Variants in PCDHGA8 observed in about 807,000 individuals in gnomAD.
PCDHGA8 encodes protocadherin gamma-A8.
PCDHGA8 carries 45 observed loss-of-function variants against 59.2 expected under a neutral mutation model. The ratio of observed to expected loss-of-function variants is 0.76; its 90% CI spans 0.60 to 0.98. The LOEUF (loss-of-function observed/expected upper bound fraction) is 0.98, where lower values mean the gene tolerates loss of function less well. Among genes scored for constraint, PCDHGA8 ranks in the 50% least tolerant of loss-of-function variants. PCDHGA8 has a pLI of 0.00. For missense variants in PCDHGA8, 1,257 were observed against 1,196.2 expected (o/e 1.05, Z -0.75); for synonymous variants, 531 against 519.0 (o/e 1.02, Z -0.32).
At chr5:141,502,001 C>T (rs2099812274) in intron 2 of PCDHGA8, among the ~76,000 whole-genome samples, 2 of 152,106 alleles carry the variant, frequency 1.3e-5, no homozygotes, top group Admixed American at 1.3e-4. Flanking sequence ...CCCTGACAAC[C>T]CGCATGCTCT....
chr5:141,476,091 G>A lies in PCDHGA8; in HGVS notation c.2425-18716G>A. The A allele has an allele frequency of 2.6e-6, 4 of 1,563,192 alleles. No individual in the cohort carries two copies. The highest frequency in any genetic ancestry group is 3.5e-6 in the Non-Finnish European group (4 of 1,159,278). On this transcript the variant is annotated intron_variant, in intron 1 of 3. Transcript: ENST00000398604. The surrounding 1 kb of genome is among the most constrained non-coding windows in gnomAD (Gnocchi z 7.6). ...AAATCTCAGGGACGATCTGGACCCCGCTGAGAGGAACTGCTTTTGAGTGAG... is the reference window on the plus strand; with the variant it reads ...AAATCTCAGGGACGATCTGGACCCCACTGAGAGGAACTGCTTTTGAGTGAG...
At position 141,392,641 on chromosome 5, in the gene PCDHGA8, C is replaced by A; in HGVS notation, c.-173C>A. On this transcript the variant is annotated 5_prime_UTR_variant, in exon 1 of 4. Coordinates refer to ENST00000398604, the MANE Select transcript of PCDHGA8 (RefSeq NM_032088.2). ...GAAAACACTCAGATCTCACACCTCA[C>A]GAAGACCCGCAGATGCCACAAACTA... 3.1e-6 allele frequency: 2 copies of A among 655,502 alleles called. No homozygotes were observed. Among genetic ancestry groups the A allele is most frequent in the East Asian group, 5.8e-5 (2 of 34,242 alleles). The allele number at this position is 655,502 out of a possible 1,614,324, so 40.6% of individuals were successfully genotyped here. A position where few individuals can be genotyped will look rare whatever the true frequency, so the allele number is the denominator to read the frequency against.
At chr5:141,404,089 T>A in intron 1 of PCDHGA8, 2 of 1,613,496 alleles carry the variant, frequency 1.2e-6, no homozygotes, top group Non-Finnish European at 1.7e-6. Flanking sequence ...CCGGGAAGAA[T>A]GGTCAAGTTG....
intron 1 of PCDHGA8, chr5:141,418,372 A>G (rs771262387): frequency 3.1e-6 from 5 of 1,613,968 alleles, no homozygotes; most frequent in Non-Finnish European, 3.4e-6. Context: ...GCAAATACCA[A>G]CTAAGTCCTA....
intron 1 of PCDHGA8, chr5:141,402,911 C>T: frequency 1.3e-6 from 2 of 1,551,976 alleles, no homozygotes; most frequent in South Asian, 1.2e-5. Context: ...TGAAGCAGCG[C>T]GCACAGAGAT....
rs745658462 is a variant in PCDHGA8 at position 141,414,720 on chromosome 5, T to C, written c.2424+19483T>C. 6 of 1,614,132 alleles carry C rather than the reference T, an allele frequency of 3.7e-6. No homozygotes were observed. The East Asian group carries it at 1.3e-4, about 36-fold the overall frequency. ...CATACATATCCATCAACTCAGACAC[T>C]GGCGTCCTGTATGCACTCAGATCCT... On this transcript the variant is annotated intron_variant, in intron 1 of 3. Coordinates refer to ENST00000398604, the MANE Select transcript of PCDHGA8 (RefSeq NM_032088.2).
chr5:141,464,680 A>T (rs747974832), intron 1 of PCDHGA8, among the ~76,000 whole-genome samples: 1 of 152,144 alleles, frequency 6.6e-6, no homozygotes, highest in African/African-American at 2.4e-5. Context: ...TTTTAATTAA[A>T]ATTTCTCTTA....
At chr5:141,413,020 C>T in intron 1 of PCDHGA8, 1 of 693,768 alleles carries the variant, frequency 1.4e-6, no homozygotes, top group Non-Finnish European at 2.3e-6. Context: ...CTACACAAGC[C>T]CCACAAACCG....
intron 1 of PCDHGA8, chr5:141,423,261 C>T (rs1181343306): frequency 6.2e-7 from 1 of 1,613,870 alleles, no homozygotes; most frequent in Non-Finnish European, 8.5e-7. Flanking sequence ...ACCTCGGCAG[C>T]CTCGAGTCTC....
At chr5:141,446,942 G>C (rs1252429052) in intron 1 of PCDHGA8, among the ~76,000 whole-genome samples, 1 of 152,058 alleles carries the variant, frequency 6.6e-6, no homozygotes, top group Non-Finnish European at 1.5e-5. Flanking sequence ...TTCACTGTAA[G>C]AAACATCCAG....
Position 141,431,103 on chromosome 5 carries a change from A to C in PCDHGA8, c.2424+35866A>C, listed in dbSNP as rs769542343. On this transcript the variant is annotated intron_variant, in intron 1 of 3. Coordinates refer to ENST00000398604, the MANE Select transcript of PCDHGA8 (RefSeq NM_032088.2). This position sits in a 1 kb window ranked among gnomAD's most constrained non-coding sequence, Gnocchi z 4.8. ...GACATTCTGATGGAGGATAAAGTGA[A>C]AATATATGGAGTAGAAGTAGAAGTA... 6.2e-7 allele frequency: 1 copy of C among 1,614,246 alleles called. No individual in the cohort carries two copies.
At chr5:141,499,019 AG>A (rs2099788634) in intron 2 of PCDHGA8, among the ~76,000 whole-genome samples, 3 of 150,840 alleles carry the variant, frequency 2.0e-5, no homozygotes, top group Non-Finnish European at 3.0e-5. Context: ...GAAGGAAGGA[AG>A]GAAGGAAGAA....
At chr5:141,510,917 C>G in intron 3 of PCDHGA8, 30 bp from the exon 4 acceptor site, 1 of 1,613,854 alleles carries the variant, frequency 6.2e-7, no homozygotes, top group Non-Finnish European at 8.5e-7. Flanking sequence ...CTAAGTTTAG[C>G]TCCCACCTGA....
chr5:141,469,476 G>A (rs2154570344), intron 1 of PCDHGA8, among the ~76,000 whole-genome samples: 1 of 152,246 alleles, frequency 6.6e-6, no homozygotes, highest in South Asian at 2.1e-4. Context: ...TCGGGAGGCT[G>A]AGGCAGGAGA....
intron 1 of PCDHGA8, chr5:141,415,762 T>TGTTTG: frequency 7.1e-7 from 1 of 1,399,990 alleles, no homozygotes; most frequent in Non-Finnish European, 9.3e-7. Flanking sequence ...TTTTTTTTTT[T>TGTTTG]TTTTTTTTTT....
intron 1 of PCDHGA8, among the ~76,000 whole-genome samples, chr5:141,479,965 T>C (rs2099510479): frequency 6.6e-6 from 1 of 152,234 alleles, no homozygotes; most frequent in East Asian, 1.9e-4. Context: ...GTTAGTCAAA[T>C]GAGGTTCTAC....
intron 1 of PCDHGA8, among the ~76,000 whole-genome samples, chr5:141,450,894 G>C (rs919860611): frequency 6.7e-6 from 1 of 148,956 alleles, no homozygotes; most frequent in Admixed American, 6.7e-5. Context: ...GTGCGATATC[G>C]GCTCACTGCA....
intron 1 of PCDHGA8, among the ~76,000 whole-genome samples, chr5:141,474,773 G>T (rs1290099424): frequency 6.6e-6 from 1 of 152,182 alleles, no homozygotes; most frequent in East Asian, 1.9e-4. Flanking sequence ...ATAGTATGAG[G>T]CTCTAACACT....
intron 1 of PCDHGA8, chr5:141,399,563 T>G: frequency 6.2e-7 from 1 of 1,614,054 alleles, no homozygotes; most frequent in Non-Finnish European, 8.5e-7. Flanking sequence ...GACTTGGGGT[T>G]GAACGGCCAA....
Sources: allele counts gnomAD v4.1 joint callset (sites outside exome capture counted in the v4.1 genomes callset), GRCh38; gene constraint gnomAD v4.1.1; non-coding constraint Gnocchi (gnomAD v3.1); transcripts MANE v1.5; gene names NCBI Gene and HGNC (gene_info 2026-07-23, HGNC 2026-07-21).